IL31: variants seen among roughly 807,000 people sequenced by gnomAD.
IL31 encodes the protein interleukin-31.
IL31 carries 8 observed loss-of-function variants against 7.8 expected under a neutral mutation model. That is an observed-to-expected ratio of 1.02 (90% CI 0.60 to 1.84). IL31 has a LOEUF of 1.84. Among genes scored for constraint, IL31 ranks in the 40% most tolerant of loss-of-function variants. The pLI is 0.00. For synonymous variants in IL31, 87 were observed against 86.5 expected (o/e 1.01, Z -0.03); for missense variants, 162 against 205.6 (o/e 0.79, Z 1.30).
At chr12:122,173,698 A>AAT in intron 2 of IL31, 146 bp downstream of exon 2, 1 of 652,028 alleles carries the variant, frequency 1.5e-6, no homozygotes, top group Non-Finnish European at 2.6e-6. Flanking sequence ...AAAAAAAAAA[A>AAT]GCCATCTTTG....
At position 122,174,164 on chromosome 12, in the gene IL31, A is replaced by T. The variant is rs961444445; in HGVS notation, c.9T>A (p.Ser3=). MA[S]HSGPSTSVLF... is the part of the protein sequence containing the mutation. Reference sequence around the variant, plus strand: ...CACCAGGACCAGTGATACCTGAGTGAGAGGCCATGGCGAGAGAGAGCAAGG... The same window carrying T: ...CACCAGGACCAGTGATACCTGAGTGTGAGGCCATGGCGAGAGAGAGCAAGG... Residue 3 remains serine, a synonymous_variant, in exon 1 of 3, where the codon TCT becomes TCA. Transcript: ENST00000377035. 2 of 1,614,150 alleles carry T rather than the reference A, an allele frequency of 1.2e-6. No individual in the cohort carries two copies. The highest frequency in any genetic ancestry group is 1.7e-6 in the Non-Finnish European group (2 of 1,180,028).
intron 2 of IL31, among the ~76,000 whole-genome samples, chr12:122,173,231 A>C (rs1188791907): frequency 3.3e-5 from 5 of 152,152 alleles, no homozygotes; most frequent in Admixed American, 2.6e-4. Flanking sequence ...CCAAATTGCC[A>C]GCAGCACCTC....
chr12:122,173,375 ATTTG>A (rs1270283934), intron 2 of IL31, among the ~76,000 whole-genome samples: 5 of 152,212 alleles, frequency 3.3e-5, no homozygotes, highest in Non-Finnish European at 7.3e-5. Flanking sequence ...AAGTTTGGGC[ATTTG>A]TTTGTTTGAT....
At chr12:122,173,587 G>T (rs138501287) in intron 2 of IL31, among the ~76,000 whole-genome samples, 23,692 of 151,958 alleles carry the variant, frequency 0.16, 2,157 homozygotes, top group Admixed American at 0.25. Flanking sequence ...GGGAGGCTGA[G>T]GCAGGAGAAT....
Position 122,172,647 on chromosome 12 carries a change from G to T in IL31, c.260C>A (p.Ala87Asp). Residue 87 changes from alanine to aspartate, a missense_variant, in exon 3 of 3, where the codon GCC becomes GAC. Ala to Asp is a moderately radical substitution (Grantham distance 126). Transcript: ENST00000377035. ...GATTGTCTTGAGATATGCCCGGATGGCTGGGCTGTGGATGTTGTTTGGCGG... is the reference window on the plus strand; with the variant it reads ...GATTGTCTTGAGATATGCCCGGATGTCTGGGCTGTGGATGTTGTTTGGCGG... ...AQPPNNIHSP[A>D]IRAYLKTIRQ... The T allele has an allele frequency of 6.2e-7, 1 of 1,614,100 alleles. No homozygotes were observed. Among genetic ancestry groups the T allele is most frequent in the South Asian group, 1.1e-5 (1 of 91,082 alleles).
intron 2 of IL31, 46 bp downstream of exon 2, chr12:122,173,798 G>C (rs752502937): frequency 6.4e-7 from 1 of 1,562,676 alleles, no homozygotes; most frequent in Non-Finnish European, 8.8e-7. Flanking sequence ...GCAATGGAAG[G>C]CATTTTTAAG....
chr12:122,173,977 A>G lies in IL31; in HGVS notation c.32T>C (p.Val11Ala). The change falls in exon 2 of 3, where the codon GTG becomes GCG. Residue 11 changes from valine to alanine, a missense_variant. Physicochemically the swap from Val to Ala is moderately conservative, Grantham distance 64. Coordinates refer to ENST00000377035, the MANE Select transcript of IL31 (RefSeq NM_001014336.2). ...TCCCAGGCAGCAGAACAGAAAGAGC[A>G]CAGACGTCGAGGGGCCTGGAGAGAG... MASHSGPSTS[V>A]LFLFCCLGGW... 1 of 1,614,152 alleles carries G rather than the reference A, an allele frequency of 6.2e-7. No individual in the cohort carries two copies. Among genetic ancestry groups the G allele is most frequent in the Non-Finnish European group, 8.5e-7 (1 of 1,180,026 alleles).
chr12:122,172,454 T>C lies in IL31; in HGVS notation c.453A>G (p.Ala151=). ...GGGCTCCAGAGGTCAATGATTTTAG[T>C]GCGAGGTCCATGCACTCTGAAAACT... ...SQQFSECMDL[A]LKSLTSGAQQ... Residue 151 remains alanine, a synonymous_variant, in exon 3 of 3, where the codon GCA becomes GCG. Transcript: ENST00000377035. The C allele has an allele frequency of 6.2e-7, 1 of 1,614,162 alleles. No homozygotes were observed.
Position 122,173,988 on chromosome 12 carries a change from G to A in IL31, c.21C>T (p.Pro7=). Residue 7 remains proline (P), a synonymous_variant, in exon 2 of 3, where the codon CCC becomes CCT. Transcript: ENST00000377035. ...AGAACAGAAAGAGCACAGACGTCGA[G>A]GGGCCTGGAGAGAGAACGATGCCGT... MASHSG[P]STSVLFLFCC... 6.2e-7 allele frequency: 1 copy of A among 1,614,034 alleles called. No individual in the cohort carries two copies. Among genetic ancestry groups the A allele is most frequent in the South Asian group, 1.1e-5 (1 of 91,070 alleles).
At position 122,173,952 on chromosome 12, in the gene IL31, T is replaced by C; in HGVS notation, c.57A>G (p.Gly19=). The C allele has an allele frequency of 6.2e-7, 1 of 1,614,092 alleles. No homozygotes were observed. Among genetic ancestry groups the C allele is most frequent in the Non-Finnish European group, 8.5e-7 (1 of 1,180,016 alleles). The change falls in exon 2 of 3, where the codon GGA becomes GGG. Residue 19 remains glycine, a synonymous_variant. Transcript: ENST00000377035. ...GCAACGTGTGGGAGGCCAGCCAGCC[T>C]CCCAGGCAGCAGAACAGAAAGAGCA... ...TSVLFLFCCL[G]GWLASHTLPV... is the part of the protein sequence containing the mutation.
Position 122,174,173 on chromosome 12 carries a change from G to A in IL31, c.-1C>T. The A allele has an allele frequency of 5.0e-6, 8 of 1,614,162 alleles. No individual in the cohort carries two copies. The highest frequency in any genetic ancestry group is 5.9e-6 in the Non-Finnish European group (7 of 1,180,040). On this transcript the variant is annotated 5_prime_UTR_variant, in exon 1 of 3. Transcript: ENST00000377035. ...CAGTGATACCTGAGTGAGAGGCCAT[G>A]GCGAGAGAGAGCAAGGCCAGCTTCA...
intron 2 of IL31, among the ~76,000 whole-genome samples, chr12:122,173,171 G>A (rs1953504561): frequency 6.6e-6 from 1 of 151,832 alleles, no homozygotes. Flanking sequence ...AAACCAAGGA[G>A]TCCGGACCAC....
Position 122,172,315 on chromosome 12 carries a change from T to C in IL31, c.*97A>G, listed in dbSNP as rs1316107899. Reference sequence around the variant, plus strand: ...TCCCTGAGATTATTCATTGGAAAAATGTACTTAAGGAATCACGGCAGAGTT... The same window carrying C: ...TCCCTGAGATTATTCATTGGAAAAACGTACTTAAGGAATCACGGCAGAGTT... On this transcript the variant is annotated 3_prime_UTR_variant, in exon 3 of 3. Coordinates refer to ENST00000377035, the MANE Select transcript of IL31 (RefSeq NM_001014336.2). The C allele has an allele frequency of 1.1e-6, 1 of 876,274 alleles. No individual in the cohort carries two copies. Among genetic ancestry groups the C allele is most frequent in the Non-Finnish European group, 1.8e-6 (1 of 555,624 alleles). 54.3% of individuals were successfully genotyped at this position (876,274 alleles called of 1,614,324 possible). A position where few individuals can be genotyped will look rare whatever the true frequency, so the allele number is the denominator to read the frequency against.
rs780567534 is a variant in IL31 at position 122,172,736 on chromosome 12, C to T, written c.171G>A (p.Glu57=). 1.2e-6 allele frequency: 2 copies of T among 1,606,368 alleles called. No individual in the cohort carries two copies. Among genetic ancestry groups the T allele is most frequent in the Non-Finnish European group, 1.7e-6 (2 of 1,176,044 alleles). The change falls in exon 3 of 3, where the codon GAG becomes GAA. Residue 57 remains glutamate (E), a synonymous_variant. Coordinates refer to ENST00000377035, the MANE Select transcript of IL31 (RefSeq NM_001014336.2). ...SLSKMLLKDV[E]EEKGVLVSQN... ...GGGACACGAGCACGCCCTTCTCTTC[C>T]TCCACCTGTGGAATGAGGAGAAATG...
intron 2 of IL31, among the ~76,000 whole-genome samples, chr12:122,173,477 A>G (rs1228967004): frequency 6.6e-6 from 1 of 152,228 alleles, no homozygotes; most frequent in African/African-American, 2.4e-5. Context: ...TGAGGTCAGG[A>G]GTTCAAGACC....
At chr12:122,174,113 T>A in intron 1 of IL31, 44 bp downstream of exon 1, 2 of 1,613,968 alleles carry the variant, frequency 1.2e-6, no homozygotes, top group Admixed American at 1.7e-5. Context: ...CCTGGTGAGA[T>A]AAGATGATGC....
At chr12:122,172,829 C>T in intron 2 of IL31, 88 bp from the exon 3 acceptor site, 2 of 1,031,136 alleles carry the variant, frequency 1.9e-6, no homozygotes, top group Non-Finnish European at 2.8e-6. Context: ...TCCTCCGTAA[C>T]CCGCCTCGTT....
intron 2 of IL31, 132 bp downstream of exon 2, chr12:122,173,712 G>C (rs996717523): frequency 2.7e-6 from 2 of 739,508 alleles, no homozygotes; most frequent in Admixed American, 2.6e-5. Flanking sequence ...ATCTTTGCCT[G>C]TCTAGTTTCC....
In IL31 at chr12:122,174,154, T is replaced by TA; in HGVS notation, c.16+2dup. The TA allele has an allele frequency of 6.2e-7, 1 of 1,614,134 alleles. No homozygotes were observed. The highest frequency in any genetic ancestry group is 8.5e-7 in the Non-Finnish European group (1 of 1,180,032). ...ACTCCGGAAGCACCAGGACCAGTGA[T>TA]ACCTGAGTGAGAGGCCATGGCGAGA... On this transcript the variant is annotated splice_region_variant and intron_variant, in intron 1 of 2. Coordinates refer to ENST00000377035, the MANE Select transcript of IL31 (RefSeq NM_001014336.2).
Sources: allele counts gnomAD v4.1 joint callset (sites outside exome capture counted in the v4.1 genomes callset), GRCh38; gene constraint gnomAD v4.1.1; transcripts MANE v1.5; gene names NCBI Gene and HGNC (gene_info 2026-07-23, HGNC 2026-07-21).